The following PIAS2 variants were observed in gnomAD, a reference collection of about 807,000 sequenced individuals.
PIAS2 encodes protein inhibitor of activated STAT 2, also known as E3 SUMO-protein ligase PIAS2.
Under a neutral mutation model 69.7 loss-of-function variants are expected in PIAS2, and 19 were observed. The observed-to-expected ratio is 0.27, with a 90% CI of 0.19 to 0.40. The LOEUF is 0.40. PIAS2 is among the 10% of genes least tolerant of loss of function. The pLI is 1.00. For synonymous variants in PIAS2, 261 were observed against 263.2 expected (o/e 0.99, Z 0.08); for missense variants, 624 against 757.0 (o/e 0.82, Z 2.06).
At chr18:46,911,214 CTT>C (rs149777627) in intron 1 of PIAS2, among the ~76,000 whole-genome samples, 9 of 139,748 alleles carry the variant, frequency 6.4e-5, no homozygotes, top group Admixed American at 7.2e-5. Flanking sequence ...TGTTATATTT[CTT>C]TTTTTTTTTT....
At chr18:46,855,048 C>T (rs953148795) in intron 5 of PIAS2, among the ~76,000 whole-genome samples, 2 of 135,328 alleles carry the variant, frequency 1.5e-5, no homozygotes, top group Non-Finnish European at 3.0e-5. Context: ...AGGAGGATTG[C>T]TTGAGCCTAT....
At chr18:46,876,893 G>T (rs1011432674) in intron 2 of PIAS2, among the ~76,000 whole-genome samples, 3 of 151,938 alleles carry the variant, frequency 2.0e-5, no homozygotes, top group African/African-American at 7.3e-5. Context: ...GTAGAGATGG[G>T]GTTTCACCGT....
At chr18:46,897,536 C>T (rs1827136755) in intron 1 of PIAS2, among the ~76,000 whole-genome samples, 1 of 152,048 alleles carries the variant, frequency 6.6e-6, no homozygotes, top group African/African-American at 2.4e-5. Flanking sequence ...TCACTGATCT[C>T]CTTTAAAGGA....
intron 9 of PIAS2, among the ~76,000 whole-genome samples, chr18:46,835,726 A>G (rs2044331670): frequency 6.6e-6 from 1 of 152,228 alleles, no homozygotes; most frequent in South Asian, 2.1e-4. Context: ...TAATGTCAAT[A>G]ACAAAGTCAT....
intron 6 of PIAS2, among the ~76,000 whole-genome samples, chr18:46,845,920 A>C (rs1252681478): frequency 2.6e-5 from 4 of 152,144 alleles, no homozygotes. Context: ...TGGTGGTAAA[A>C]CAAAAAATTC....
chr18:46,819,788 T>C (rs2144782002), intron 12 of PIAS2, among the ~76,000 whole-genome samples: 1 of 152,150 alleles, frequency 6.6e-6, no homozygotes, highest in South Asian at 2.1e-4. Flanking sequence ...TCAAATATAA[T>C]TGACAGAAAT....
intron 1 of PIAS2, among the ~76,000 whole-genome samples, chr18:46,912,051 CA>C (rs372654536): frequency 2.8e-4 from 37 of 133,544 alleles, no homozygotes; most frequent in Admixed American, 2.3e-4. Context: ...AATCCTGTCT[CA>C]AAAAAAAAAG....
chr18:46,871,320 C>A (rs1019375253), intron 2 of PIAS2, among the ~76,000 whole-genome samples: 1 of 152,160 alleles, frequency 6.6e-6, no homozygotes, highest in African/African-American at 2.4e-5. Flanking sequence ...CTCTCCATTA[C>A]CTACAGACCC....
chr18:46,906,361 A>G (rs1161576750), intron 1 of PIAS2: 2 of 152,022 alleles, frequency 1.3e-5, no homozygotes, highest in East Asian at 1.9e-4. Flanking sequence ...AAAAAAAAGC[A>G]TAAGAATTGG....
chr18:46,917,670 G>GC (rs1424168408), upstream of PIAS2: 3 of 596,070 alleles, frequency 5.0e-6, no homozygotes, highest in Admixed American at 1.9e-4. Context: ...GCCCCGCTCG[G>GC]CCCCAGGTCG....
chr18:46,910,288 G>A (rs1028829579), intron 1 of PIAS2, among the ~76,000 whole-genome samples: 4 of 152,228 alleles, frequency 2.6e-5, no homozygotes, highest in African/African-American at 9.6e-5. Context: ...CATGGTTGCA[G>A]TGGATGTGAT....
chr18:46,804,003 C>A lies in PIAS2; in HGVS notation c.*8430G>T, dbSNP rs966640726. The A allele has an allele frequency of 1.3e-5, 2 of 152,168 alleles. No individual in the cohort carries two copies. The highest frequency in any genetic ancestry group is 2.9e-5 in the Non-Finnish European group (2 of 68,060). The allele number at this position is 152,168 out of a possible 1,614,324, so 9.4% of individuals were successfully genotyped here. On this transcript the variant is annotated 3_prime_UTR_variant, in exon 14 of 14. Coordinates refer to ENST00000585916, the MANE Select transcript of PIAS2 (RefSeq NM_004671.5). Reference sequence around the variant, plus strand: ...CCGTACCACCTACCCTAAACATGCACCTCCTTCTGTTTTCCTCTCTTGGTG... The same window carrying A: ...CCGTACCACCTACCCTAAACATGCAACTCCTTCTGTTTTCCTCTCTTGGTG...
chr18:46,862,053 C>T (rs900180567), intron 3 of PIAS2, among the ~76,000 whole-genome samples: 6 of 151,868 alleles, frequency 4.0e-5, no homozygotes, highest in Non-Finnish European at 7.4e-5. Context: ...GTTTTTATGC[C>T]GGGCATGGTG....
At chr18:46,868,083 T>G (rs962407469) in intron 2 of PIAS2, among the ~76,000 whole-genome samples, 3 of 152,164 alleles carry the variant, frequency 2.0e-5, no homozygotes, top group Non-Finnish European at 4.4e-5. Flanking sequence ...TCTGGCCAAG[T>G]GCACCTCAAG....
chr18:46,838,466 C>T (rs572341229), intron 8 of PIAS2, among the ~76,000 whole-genome samples: 9 of 152,280 alleles, frequency 5.9e-5, no homozygotes, highest in Admixed American at 5.9e-4. Context: ...TGCTATACTG[C>T]CTCTATCTAA....
At chr18:46,848,475 T>C (rs2046468534) in intron 5 of PIAS2, among the ~76,000 whole-genome samples, 1 of 152,164 alleles carries the variant, frequency 6.6e-6, no homozygotes, top group South Asian at 2.1e-4. Flanking sequence ...TTTAAGACAC[T>C]TCTGGATTTC....
At chr18:46,916,333 A>T (rs975983451) in intron 1 of PIAS2, among the ~76,000 whole-genome samples, 1 of 152,070 alleles carries the variant, frequency 6.6e-6, no homozygotes, top group Admixed American at 6.6e-5. Context: ...TCCTAATATC[A>T]TAAGTGTTAC....
At chr18:46,900,978 T>C in intron 1 of PIAS2, 1 of 372,600 alleles carries the variant, frequency 2.7e-6, no homozygotes, top group South Asian at 2.0e-5. Context: ...CTGTCTCAAA[T>C]AATATTAAAA....
rs1360664757 is a variant in PIAS2, at chr18:46,844,811, C to T, written c.890G>A (p.Arg297Gln). The T allele has an allele frequency of 3.4e-6, 5 of 1,461,330 alleles. No individual in the cohort carries two copies. Among genetic ancestry groups the T allele is most frequent in the Non-Finnish European group, 4.5e-6 (5 of 1,104,432 alleles). 90.5% of individuals were successfully genotyped at this position (1,461,330 alleles called of 1,614,324 possible). The stretch of plus-strand genomic sequence containing the variant: ...TAATAACATGGCTGATGTAAGCTGC[C>T]GTACAAGATATACAGACATAGAGTA... ...KNYSMSVYLV[R>Q]QLTSAMLLQR... Residue 297 changes from arginine (R) to glutamine (Q), a missense_variant, in exon 7 of 14, where the codon CGG (arginine) becomes CAG (glutamine). Arg to Gln is a conservative substitution (Grantham distance 43, BLOSUM62 1). Coordinates refer to ENST00000585916, the MANE Select transcript of PIAS2 (RefSeq NM_004671.5).
Sources: allele counts gnomAD v4.1 joint callset (sites outside exome capture counted in the v4.1 genomes callset), GRCh38; gene constraint gnomAD v4.1.1; transcripts MANE v1.5; gene names NCBI Gene and HGNC (gene_info 2026-07-23, HGNC 2026-07-21).